The following DNAH10 variants were observed in gnomAD, a reference collection of about 807,000 sequenced individuals.
DNAH10 encodes axonemal beta dynein heavy chain 10.
In DNAH10, 348 loss-of-function variants were observed where a neutral mutation model predicts 506.6. The observed-to-expected ratio is 0.69, with a 90% confidence interval of 0.63 to 0.75. The LOEUF (loss-of-function observed/expected upper bound fraction) is 0.75. Among genes scored for constraint, DNAH10 ranks in the 30% least tolerant of loss-of-function variants. The probability of loss-of-function intolerance (pLI) is 0.00; values close to 1 mark genes in which losing one functional copy is unlikely to be tolerated. For synonymous variants in DNAH10, 2,059 were observed against 2,198.6 expected, an observed-to-expected ratio of 0.94 and a Z score of 1.78; for missense variants, 5,179 against 5,787.1, an observed-to-expected ratio of 0.89 and a Z score of 3.41.
At chr12:123,829,274 G>T (rs1464276982) in intron 25 of DNAH10, among the ~76,000 whole-genome samples, 1 of 152,182 alleles carries the variant, frequency 6.6e-6, no homozygotes. Context: ...ACAGGACATA[G>T]GCACAGAAAG....
intron 47 of DNAH10, among the ~76,000 whole-genome samples, chr12:123,876,677 T>A (rs2137021002): frequency 6.6e-6 from 1 of 151,778 alleles, no homozygotes; most frequent in Admixed American, 6.6e-5. Flanking sequence ...AAAATTCACA[T>A]AATGGCTGGG....
Position 123,813,965 on chromosome 12 carries a change from G to T in DNAH10, c.3780+53G>T. The T allele has an allele frequency of 2.0e-6, 3 of 1,491,944 alleles. No homozygotes were observed. The South Asian group carries it at 4.2e-5, about 21-fold the overall frequency. The allele number at this position is 1,491,944 out of a possible 1,614,324, so 92.4% of individuals were successfully genotyped here. Reference sequence around the variant, plus strand: ...TTTAACAATTGGATTGACCACTAACGACCCTTTTCAGAAATGCTTCTCAAG... The same window carrying T: ...TTTAACAATTGGATTGACCACTAACTACCCTTTTCAGAAATGCTTCTCAAG... On this transcript the variant is annotated intron_variant, in intron 21 of 78. Coordinates refer to ENST00000673944, the MANE Select transcript of DNAH10 (RefSeq NM_001372106.1).
At chr12:123,910,767 G>A (rs903431685) in intron 59 of DNAH10, 95 bp downstream of exon 59, 47 of 1,478,380 alleles carry the variant, frequency 3.2e-5, no homozygotes, top group South Asian at 4.1e-5. Context: ...AACTTCTCCC[G>A]AGGTTCTGAC....
At position 123,787,668 on chromosome 12, in the gene DNAH10, C is replaced by T; in HGVS notation, c.1422-136C>T. The T allele has an allele frequency of 3.8e-6, 4 of 1,053,736 alleles. No individual in the cohort carries two copies. The highest frequency in any genetic ancestry group is 5.5e-6 in the Non-Finnish European group (4 of 723,810). The allele number at this position is 1,053,736 out of a possible 1,614,324, so 65.3% of individuals were successfully genotyped here. A position where few individuals can be genotyped will look rare whatever the true frequency, so the allele number is the denominator to read the frequency against. On this transcript the variant is annotated intron_variant, in intron 9 of 78. Coordinates refer to ENST00000673944, the MANE Select transcript of DNAH10 (RefSeq NM_001372106.1). The surrounding 1 kb of genome is among the most constrained non-coding windows in gnomAD (Gnocchi z 4.6). ...CAGGGCAGCCGCTTGCCCGCTCTGC[C>T]TTTTCCGATGAGGCCGTGAAACCAG...
chr12:123,871,400 C>G, intron 44 of DNAH10, 57 bp from the exon 45 acceptor site: 1 of 1,552,464 alleles, frequency 6.4e-7, no homozygotes, highest in Non-Finnish European at 8.7e-7. Flanking sequence ...CATGTTGCCC[C>G]CAGTGCTCAC....
Position 123,927,034 on chromosome 12 carries a change from T to C in DNAH10, c.12105+214T>C, listed in dbSNP as rs566836074. The C allele has an allele frequency of 1.0e-5, 6 of 576,520 alleles. No individual in the cohort carries two copies. In the East Asian group the frequency reaches 1.9e-4, roughly 19 times the overall value. The allele number at this position is 576,520 out of a possible 1,614,324, so 35.7% of individuals were successfully genotyped here. ...GTGATCATGGTGCTGTGCTGTTTTC[T>C]TTTTTTTTCCTTTTTCTTTTCTTTT... On this transcript the variant is annotated intron_variant, in intron 69 of 78. Transcript: ENST00000673944.
rs897231394 is a variant in DNAH10 at position 123,914,457 on chromosome 12, G to A, written c.10481G>A (p.Arg3494Gln). Residue 3494 changes from arginine (R) to glutamine (Q), a missense_variant, in exon 61 of 79, where the codon CGG becomes CAG. Physicochemically the swap from Arg to Gln is conservative, Grantham distance 43 (BLOSUM62 1). Around this residue, in one of 3 missense-constraint regions of DNAH10, gnomAD observed 4,844 missense variants for 5,430.5 expected, o/e 0.89. Transcript: ENST00000673944. Reference protein sequence around the residue: ...TWEFRDEMVNRIWQNDILERE... With the variant: ...TWEFRDEMVNQIWQNDILERE... The stretch of plus-strand genomic sequence containing the variant: ...GAGTTCCGTGACGAGATGGTCAATC[G>A]GATTTGGCAAAATGACATCCTGGAG... 3 of 1,613,674 alleles carry A rather than the reference G, an allele frequency of 1.9e-6. No homozygotes were observed. Among genetic ancestry groups the A allele is most frequent in the Non-Finnish European group, 2.5e-6 (3 of 1,179,896 alleles).
chr12:123,935,688 T>C lies in DNAH10; in HGVS notation c.*207T>C. The C allele has an allele frequency of 2.1e-6, 1 of 480,026 alleles. No individual in the cohort carries two copies. The highest frequency in any genetic ancestry group is 3.1e-5 in the East Asian group (1 of 32,550). The allele number at this position is 480,026 out of a possible 1,614,324, so 29.7% of individuals were successfully genotyped here. A position where few individuals can be genotyped will look rare whatever the true frequency, so the allele number is the denominator to read the frequency against. The stretch of plus-strand genomic sequence containing the variant: ...TACTACTTTTTAAAAGGAATTTATA[T>C]AATCAAAAAGTAAATATTGGAGAGT... On this transcript the variant is annotated 3_prime_UTR_variant, in exon 79 of 79. Coordinates refer to ENST00000673944, the MANE Select transcript of DNAH10 (RefSeq NM_001372106.1).
chr12:123,823,526 A>G (rs139300061), intron 24 of DNAH10, among the ~76,000 whole-genome samples: 1,655 of 152,362 alleles, frequency 0.011, 18 homozygotes, highest in Non-Finnish European at 0.018. Context: ...AAAAATTCAT[A>G]AAGTTAAAAA....
chr12:123,833,168 T>C lies in DNAH10; in HGVS notation c.4600T>C (p.Tyr1534His), dbSNP rs543487968. 21 of 1,613,818 alleles carry C rather than the reference T, an allele frequency of 1.3e-5. No individual in the cohort carries two copies. The East Asian group carries it at 4.5e-4, about 34-fold the overall frequency. Reference protein sequence around the residue: ...WENMKFTVVKYCKGTQERGYI... With the variant: ...WENMKFTVVKHCKGTQERGYI... Reference sequence around the variant, plus strand: ...AAATATGAAATTCACTGTAGTCAAGTATTGCAAAGGCACACAGGAGCGAGG... The same window carrying C: ...AAATATGAAATTCACTGTAGTCAAGCATTGCAAAGGCACACAGGAGCGAGG... Residue 1534 changes from tyrosine to histidine, a missense_variant, in exon 27 of 79, where the codon TAT becomes CAT. Physicochemically the swap from Tyr to His is moderately conservative, Grantham distance 83 (BLOSUM62 2). This residue lies in a region of DNAH10 where 4,844 missense variants were observed against 5,430.5 expected (regional missense o/e 0.89). Transcript: ENST00000673944.
chr12:123,931,621 G>A lies in DNAH10; in HGVS notation c.12917-15G>A, dbSNP rs375291790. Reference sequence around the variant, plus strand: ...GTGGATGCCTTGCTTTCTCTGAAAAGTGTCCTGGTTTTAGGGGAATCCAGC... The same window carrying A: ...GTGGATGCCTTGCTTTCTCTGAAAAATGTCCTGGTTTTAGGGGAATCCAGC... On this transcript the variant is annotated splice_polypyrimidine_tract_variant and intron_variant, in intron 74 of 78. Transcript: ENST00000673944. 2 of 1,612,802 alleles carry A rather than the reference G, an allele frequency of 1.2e-6. No homozygotes were observed. The highest frequency in any genetic ancestry group is 3.3e-5 in the Admixed American group (2 of 59,874).
chr12:123,926,767 G>T lies in DNAH10; in HGVS notation c.12052G>T (p.Gly4018Cys), dbSNP rs1566115640. ...TDLMKLAERS[G>C]FGGNRLKFLA... ...TCTTATGAAATTAGCAGAGCGAAGT[G>T]GTTTTGGAGGAAATCGCCTCAAATT... The change falls in exon 69 of 79, where the codon GGT becomes TGT. Residue 4018 changes from glycine to cysteine, a missense_variant. Coordinates refer to ENST00000673944, the MANE Select transcript of DNAH10 (RefSeq NM_001372106.1). This position sits in a 1 kb window ranked among gnomAD's most constrained non-coding sequence, Gnocchi z 4.1. The T allele has an allele frequency of 1.2e-6, 2 of 1,613,972 alleles. No individual in the cohort carries two copies. The highest frequency in any genetic ancestry group is 2.2e-5 in the East Asian group (1 of 44,882).
Position 123,813,436 on chromosome 12 carries a change from T to C in DNAH10, c.3417T>C (p.Tyr1139=). 6.2e-7 allele frequency: 1 copy of C among 1,614,226 alleles called. No individual in the cohort carries two copies. Among genetic ancestry groups the C allele is most frequent in the Non-Finnish European group, 8.5e-7 (1 of 1,180,040 alleles). ...CCAAGAAACCTCCTTGTGTAGCATA[T>C]GATGAAAAGTTGCAGTTCTATTCCA... is the stretch of plus-strand genomic sequence containing the variant. The part of the protein sequence containing the change: ...FAAKKPPCVA[Y]DEKLQFYSKI... The change falls in exon 20 of 79, where the codon TAT becomes TAC. Residue 1139 remains tyrosine, a synonymous_variant. Coordinates refer to ENST00000673944, the MANE Select transcript of DNAH10 (RefSeq NM_001372106.1).
At chr12:123,910,060 C>G (rs1953992773) in intron 58 of DNAH10, among the ~76,000 whole-genome samples, 1 of 152,222 alleles carries the variant, frequency 6.6e-6, no homozygotes, top group Admixed American at 6.5e-5. Context: ...AGACTCTTAT[C>G]AAATGCTTTT....
intron 52 of DNAH10, among the ~76,000 whole-genome samples, chr12:123,887,737 C>A (rs1594292490): frequency 1.3e-5 from 2 of 151,282 alleles, no homozygotes. Flanking sequence ...CCCGTCTTTA[C>A]AAATTTTTTT....
rs147471943 is a variant in DNAH10, at chr12:123,876,887, G to A, written c.8200-849G>A. On this transcript the variant is annotated intron_variant, in intron 47 of 78. Coordinates refer to ENST00000673944, the MANE Select transcript of DNAH10 (RefSeq NM_001372106.1). ...AGGTGGGAGGATCACTTGAGCCCAA[G>A]AGGTCGAGGCTGCAGTAAGCCCTGA... 9.7e-3 allele frequency among the ~76,000 whole-genome samples: 1,477 copies of A among 152,276 alleles called. 28 individuals are homozygous for A. The highest frequency in any genetic ancestry group is 0.034 in the African/African-American group (1,403 of 41,536).
At chr12:123,780,962 A>AAG (rs1957624314) in intron 5 of DNAH10, 118 bp from the exon 6 acceptor site, 2 of 779,130 alleles carry the variant, frequency 2.6e-6, no homozygotes, top group African/African-American at 1.8e-5. Flanking sequence ...AAAAAAAAAA[A>AAG]GAATATTCAA....
chr12:123,882,990 G>A (rs1226085907), intron 51 of DNAH10, among the ~76,000 whole-genome samples: 1 of 152,008 alleles, frequency 6.6e-6, no homozygotes, highest in Admixed American at 6.6e-5. Context: ...TGTCTATTTT[G>A]TGTCTGGTAT....
At position 123,767,597 on chromosome 12, in the gene DNAH10, G is replaced by T; in HGVS notation, c.215-9G>T. 1.9e-6 allele frequency: 3 copies of T among 1,608,118 alleles called. No homozygotes were observed. The highest frequency in any genetic ancestry group is 2.6e-6 in the Non-Finnish European group (3 of 1,176,078). ...TTAATATTTTCTTCCCATTTATGTGGCCATAAAGATGAGATACCTGTCCTG... is the reference window on the plus strand; with the variant it reads ...TTAATATTTTCTTCCCATTTATGTGTCCATAAAGATGAGATACCTGTCCTG... On this transcript the variant is annotated splice_polypyrimidine_tract_variant and intron_variant, in intron 1 of 78. Transcript: ENST00000673944.
Sources: allele counts gnomAD v4.1 joint callset (sites outside exome capture counted in the v4.1 genomes callset), GRCh38; gene constraint gnomAD v4.1.1; regional missense constraint gnomAD v4.1.1; non-coding constraint Gnocchi (gnomAD v3.1); transcripts MANE v1.5; gene names NCBI Gene and HGNC (gene_info 2026-07-23, HGNC 2026-07-21).